ARHGAP24: variants seen among roughly 807,000 people sequenced by gnomAD.
ARHGAP24 encodes rho GTPase-activating protein 24.
In ARHGAP24, 50 loss-of-function variants were observed where a neutral mutation model predicts 76.4. That is an observed-to-expected ratio of 0.65 (90% confidence interval 0.52 to 0.83). ARHGAP24 has a LOEUF of 0.83. Ranked by LOEUF, ARHGAP24 falls within the 40% of genes least tolerant of loss-of-function variation. The probability of loss-of-function intolerance (pLI) is 0.00; values close to 1 mark genes in which losing one functional copy is unlikely to be tolerated. For synonymous variants in ARHGAP24, 345 were observed against 323.3 expected, an observed-to-expected ratio of 1.07 and a Z score of -0.72; for missense variants, 930 against 914.2, an observed-to-expected ratio of 1.02 and a Z score of -0.22.
chr4:85,827,862 G>A (rs1430162735), intron 3 of ARHGAP24: 5 of 1,269,004 alleles, frequency 3.9e-6, no homozygotes, highest in African/African-American at 1.5e-5. Flanking sequence ...AGTAGGACCT[G>A]AGTTGGGCTC....
intron 2 of ARHGAP24, among the ~76,000 whole-genome samples, chr4:85,700,278 C>T (rs1399263724): frequency 6.6e-6 from 1 of 151,788 alleles, no homozygotes; most frequent in Non-Finnish European, 1.5e-5. Context: ...GCCTGTAATC[C>T]CAGCTACTGG....
Position 86,000,709 on chromosome 4 carries a change from T to C in ARHGAP24, c.2234T>C (p.Ile745Thr), listed in dbSNP as rs1338851241. 1.2e-6 allele frequency: 2 copies of C among 1,613,676 alleles called. No individual in the cohort carries two copies. Among genetic ancestry groups the C allele is most frequent in the East Asian group, 2.2e-5 (1 of 44,838 alleles). Residue 745 changes from isoleucine to threonine, a missense_variant, in exon 10 of 10, where the codon ATA becomes ACA. By Grantham distance (89) the Ile-to-Thr change is moderately conservative. Coordinates refer to ENST00000395184, the MANE Select transcript of ARHGAP24 (RefSeq NM_001025616.3). ...EPRRTERGNT[I>T]WIQ ...AGGAGAACCGAGAGAGGAAACACAA[T>C]ATGGATTCAGTGAGCCTGCTTTCGC...
Position 85,849,711 on chromosome 4 carries a change from G to A in ARHGAP24, c.269-73937G>A, listed in dbSNP as rs532218878. Among the ~76,000 whole-genome samples, 142 of 152,154 alleles carry A rather than the reference G, an allele frequency of 9.3e-4. 2 individuals are homozygous for A. Among genetic ancestry groups the A allele is most frequent in the Middle Eastern group, 6.8e-3 (2 of 294 alleles). On this transcript the variant is annotated intron_variant, in intron 3 of 9. Transcript: ENST00000395184. ...TCTGCGTCTATTGAGATAATCATGT[G>A]GTTTTTGTCTTTGGTTCTGTTTATG...
intron 3 of ARHGAP24, among the ~76,000 whole-genome samples, chr4:85,845,653 C>T (rs1310700105): frequency 6.6e-6 from 1 of 152,134 alleles, no homozygotes; most frequent in African/African-American, 2.4e-5. Flanking sequence ...ACCTACCTGA[C>T]AGAGGCAGAA....
intron 3 of ARHGAP24, among the ~76,000 whole-genome samples, chr4:85,756,691 A>C (rs1193120074): frequency 2.6e-5 from 4 of 152,162 alleles, no homozygotes; most frequent in Non-Finnish European, 5.9e-5. Context: ...GTCACACCTA[A>C]GACAGTGTCA....
At chr4:85,686,139 C>T (rs1489529415) in intron 2 of ARHGAP24, among the ~76,000 whole-genome samples, 1 of 152,176 alleles carries the variant, frequency 6.6e-6, no homozygotes, top group Non-Finnish European at 1.5e-5. Context: ...CTGGCCTGGG[C>T]ACAGAAATTG....
intron 1 of ARHGAP24, among the ~76,000 whole-genome samples, chr4:85,562,746 A>G (rs1321743982): frequency 6.6e-6 from 1 of 152,230 alleles, no homozygotes; most frequent in East Asian, 1.9e-4. Context: ...TGGCTTCCCC[A>G]GACCTGAGAT....
At chr4:85,871,617 A>G (rs1732528211) in intron 3 of ARHGAP24, among the ~76,000 whole-genome samples, 2 of 152,158 alleles carry the variant, frequency 1.3e-5, no homozygotes, top group Non-Finnish European at 2.9e-5. Context: ...ACCTGACCCA[A>G]GGGAAAGTGT....
chr4:85,802,643 T>G (rs1728626355), intron 3 of ARHGAP24, among the ~76,000 whole-genome samples: 1 of 152,086 alleles, frequency 6.6e-6, no homozygotes, highest in Non-Finnish European at 1.5e-5. Flanking sequence ...AATACAAAAT[T>G]AGCAGGGTCT....
intron 8 of ARHGAP24, among the ~76,000 whole-genome samples, chr4:85,981,739 G>A (rs1289593957): frequency 6.6e-6 from 1 of 152,006 alleles, no homozygotes; most frequent in Non-Finnish European, 1.5e-5. Context: ...TCCATGCAAA[G>A]CCCTGTCTGG....
intron 2 of ARHGAP24, among the ~76,000 whole-genome samples, chr4:85,705,957 G>A (rs1395164339): frequency 6.6e-6 from 1 of 152,072 alleles, no homozygotes. Flanking sequence ...GACAATGGGG[G>A]CATGGTAGGT....
At chr4:85,549,055 C>G (rs1215416884) in intron 1 of ARHGAP24, among the ~76,000 whole-genome samples, 1 of 151,704 alleles carries the variant, frequency 6.6e-6, no homozygotes, top group Admixed American at 6.6e-5. Flanking sequence ...TCTGTTCCCT[C>G]TTGATGAGTA....
At chr4:85,611,182 A>AGCT (rs1720371055) in intron 2 of ARHGAP24, among the ~76,000 whole-genome samples, 1 of 152,206 alleles carries the variant, frequency 6.6e-6, no homozygotes, top group Non-Finnish European at 1.5e-5. Context: ...CTACATGTGA[A>AGCT]ACTGGGAAGC....
chr4:85,820,408 C>T (rs1729417694), intron 3 of ARHGAP24, among the ~76,000 whole-genome samples: 2 of 152,122 alleles, frequency 1.3e-5, no homozygotes, highest in Non-Finnish European at 2.9e-5. Context: ...ACCACATGCT[C>T]TCACTTATAA....
rs534410880 is a variant in ARHGAP24 at position 85,676,891 on chromosome 4, A to G, written c.181-44994A>G. The stretch of plus-strand genomic sequence containing the variant: ...AAAGGATTCCCATATTTCCTATTCC[A>G]GTGTCATTAAAAGAAACAGGTGAGA... On this transcript the variant is annotated intron_variant, in intron 2 of 9. Coordinates refer to ENST00000395184, the MANE Select transcript of ARHGAP24 (RefSeq NM_001025616.3). Among the ~76,000 whole-genome samples, 55 of 152,310 alleles carry G rather than the reference A, an allele frequency of 3.6e-4. No individual in the cohort carries two copies. In the South Asian group the frequency reaches 0.01, roughly 29 times the overall value.
chr4:85,919,572 A>G (rs933819749), intron 3 of ARHGAP24, among the ~76,000 whole-genome samples: 10 of 152,192 alleles, frequency 6.6e-5, no homozygotes, highest in African/African-American at 2.4e-4. Context: ...GATGAAATTC[A>G]CAGATGGGAT....
At chr4:85,560,637 AC>A (rs1172861916) in intron 1 of ARHGAP24, among the ~76,000 whole-genome samples, 8 of 152,004 alleles carry the variant, frequency 5.3e-5, no homozygotes, top group Admixed American at 3.9e-4. Context: ...ACTATTTTTG[AC>A]TTTATATTCG....
At chr4:85,893,730 G>A (rs1019315659) in intron 3 of ARHGAP24, among the ~76,000 whole-genome samples, 10 of 149,762 alleles carry the variant, frequency 6.7e-5, no homozygotes, top group South Asian at 2.2e-4. Flanking sequence ...CGAGAGATCC[G>A]CTGTTAGTCT....
At chr4:85,860,998 A>ATG (rs1553935906) in intron 3 of ARHGAP24, among the ~76,000 whole-genome samples, 3 of 130,652 alleles carry the variant, frequency 2.3e-5, no homozygotes, top group Admixed American at 1.4e-4. Context: ...CTGTGCATGC[A>ATG]CGCACACACA....
Sources: gnomAD v4.1 joint callset for allele counts (sites outside exome capture counted in the v4.1 genomes callset) on GRCh38, gnomAD v4.1.1 for gene constraint, MANE v1.5 for transcripts, NCBI Gene and HGNC (gene_info 2026-07-23, HGNC 2026-07-21) for gene names.